CSMD3: variants seen among roughly 807,000 people sequenced by gnomAD.
CSMD3 encodes the protein CUB and Sushi multiple domains 3.
A neutral mutation model predicts 435.2 loss-of-function variants in CSMD3; 177 were observed. The observed-to-expected ratio is 0.41, with a 90% CI of 0.36 to 0.46. The LOEUF (loss-of-function observed/expected upper bound fraction) is 0.46. Ranked by LOEUF, CSMD3 falls within the 20% of genes least tolerant of loss-of-function variation. The probability of loss-of-function intolerance (pLI) is 0.34; values close to 1 mark genes in which losing one functional copy is unlikely to be tolerated. For synonymous variants in CSMD3, 1,656 were observed against 1,520.5 expected (o/e 1.09, Z -2.07); for missense variants, 4,265 against 4,504.6 (o/e 0.95, Z 1.52).
intron 28 of CSMD3, 83 bp downstream of exon 28, chr8:112,516,951 A>G (rs1823730101): frequency 9.5e-7 from 1 of 1,047,618 alleles, no homozygotes; most frequent in Non-Finnish European, 1.5e-6. Context: ...AATCTAGTCT[A>G]GAATATGGTT....
intron 3 of CSMD3, among the ~76,000 whole-genome samples, chr8:113,184,036 G>A (rs918333895): frequency 3.3e-5 from 5 of 152,030 alleles, no homozygotes; most frequent in Non-Finnish European, 5.9e-5. Context: ...AAAAGTCTGG[G>A]CCTCTGGAAC....
At chr8:112,405,209 ACCCCCATAT>A (rs1831690537) in intron 35 of CSMD3, among the ~76,000 whole-genome samples, 2 of 31,502 alleles carry the variant, frequency 6.3e-5, no homozygotes, top group African/African-American at 1.2e-4. Flanking sequence ...AAAAAAAAAA[ACCCCCATAT>A]ATATATATAT....
intron 16 of CSMD3, among the ~76,000 whole-genome samples, chr8:112,670,658 G>T (rs2075635169): frequency 1.3e-5 from 2 of 152,120 alleles, no homozygotes; most frequent in Admixed American, 1.3e-4. Flanking sequence ...ACTGGTCCTT[G>T]AGCCCTTGGC....
intron 67 of CSMD3, among the ~76,000 whole-genome samples, chr8:112,235,681 T>C (rs1299639204): frequency 6.6e-6 from 1 of 152,136 alleles, no homozygotes; most frequent in Non-Finnish European, 1.5e-5. Flanking sequence ...TCTAACTTAA[T>C]TGTTCACCTA....
At chr8:113,204,947 G>A (rs2092754701) in intron 3 of CSMD3, among the ~76,000 whole-genome samples, 1 of 151,810 alleles carries the variant, frequency 6.6e-6, no homozygotes, top group African/African-American at 2.4e-5. Context: ...TTACATGAAT[G>A]GCAGCAGGCA....
At chr8:112,946,278 TCTC>T (rs954888500) in intron 9 of CSMD3, among the ~76,000 whole-genome samples, 1 of 151,724 alleles carries the variant, frequency 6.6e-6, no homozygotes, top group Non-Finnish European at 1.5e-5. Context: ...CATGTGATCT[TCTC>T]CTCAACCGAA....
chr8:112,448,620 T>C lies in CSMD3; in HGVS notation c.5395+23971A>G, dbSNP rs144302104. On this transcript the variant is annotated intron_variant, in intron 32 of 70. Coordinates refer to ENST00000297405, the MANE Select transcript of CSMD3 (RefSeq NM_198123.2). Reference sequence around the variant, plus strand: ...GAGGGAGCATGGTCCAGATGATACATTGATTTTGAACTTTCAGCCTTCAAA... The same window carrying C: ...GAGGGAGCATGGTCCAGATGATACACTGATTTTGAACTTTCAGCCTTCAAA... 2.1e-3 allele frequency among the ~76,000 whole-genome samples: 315 copies of C among 152,262 alleles called. 1 individual carries two copies. The highest frequency in any genetic ancestry group is 6.1e-3 in the African/African-American group (252 of 41,558).
intron 13 of CSMD3, among the ~76,000 whole-genome samples, chr8:112,712,216 G>T (rs1320443789): frequency 4.6e-5 from 7 of 152,074 alleles, no homozygotes; most frequent in African/African-American, 1.7e-4. Context: ...TGAAGAGCAG[G>T]ATCCTCAAGG....
intron 23 of CSMD3, among the ~76,000 whole-genome samples, chr8:112,577,946 A>G (rs528878933): frequency 6.6e-6 from 1 of 152,250 alleles, no homozygotes; most frequent in South Asian, 2.1e-4. Context: ...AAATGTGAAG[A>G]CAGAAATTAC....
chr8:112,383,750 G>C, intron 36 of CSMD3, 87 bp from the exon 37 acceptor site: 1 of 862,808 alleles, frequency 1.2e-6, no homozygotes, highest in Non-Finnish European at 2.0e-6. Flanking sequence ...GGAAAAGAGA[G>C]TTCAAATCCT....
At chr8:112,607,536 T>G (rs2131449111) in intron 22 of CSMD3, among the ~76,000 whole-genome samples, 1 of 152,042 alleles carries the variant, frequency 6.6e-6, no homozygotes, top group Non-Finnish European at 1.5e-5. Context: ...CCAAAAAAAT[T>G]TACAGGCTAA....
At position 112,552,636 on chromosome 8, in the gene CSMD3, C is replaced by T. The variant is rs756361881; in HGVS notation, c.4319G>A (p.Arg1440His). ...GYPFPYDNNLRCMWMIEVDPG... is the reference protein window; with the variant it reads ...GYPFPYDNNLHCMWMIEVDPG... ...ATCTACCTCAATCATCCACATGCAA[C>T]GCAGGTTATTGTCATATGGAAAAGG... Residue 1440 changes from arginine (R) to histidine (H), a missense_variant, in exon 26 of 71, where the codon CGT becomes CAT. Around this residue, in one of 3 missense-constraint regions of CSMD3, gnomAD observed 3,255 missense variants for 3,380.2 expected, o/e 0.96. Transcript: ENST00000297405. 9.4e-5 allele frequency: 151 copies of T among 1,611,966 alleles called. No homozygotes were observed. Among genetic ancestry groups the T allele is most frequent in the Non-Finnish European group, 1.2e-4 (143 of 1,178,740 alleles).
intron 3 of CSMD3, among the ~76,000 whole-genome samples, chr8:113,250,443 G>T (rs915623462): frequency 6.6e-6 from 1 of 152,038 alleles, no homozygotes; most frequent in Non-Finnish European, 1.5e-5. Flanking sequence ...CAGACCTTGT[G>T]GGCGGTTCTA....
chr8:112,596,125 C>G (rs1831690294), intron 22 of CSMD3, among the ~76,000 whole-genome samples: 1 of 151,418 alleles, frequency 6.6e-6, no homozygotes, highest in South Asian at 2.1e-4. Flanking sequence ...AAACCCATCT[C>G]ACGTGCAGAG....
chr8:112,731,124 A>G (rs1309516902), intron 13 of CSMD3, among the ~76,000 whole-genome samples: 1 of 152,100 alleles, frequency 6.6e-6, no homozygotes, highest in African/African-American at 2.4e-5. Flanking sequence ...TTTGTGACAT[A>G]TGAAGTACAC....
intron 38 of CSMD3, among the ~76,000 whole-genome samples, chr8:112,357,976 T>A (rs1293020958): frequency 6.6e-6 from 1 of 152,058 alleles, no homozygotes; most frequent in African/African-American, 2.4e-5. Context: ...ACAGCTTGAA[T>A]CATGCACCTA....
chr8:113,355,722 TTATA>T (rs1299902928), intron 1 of CSMD3, among the ~76,000 whole-genome samples: 6 of 77,792 alleles, frequency 7.7e-5, no homozygotes, highest in Admixed American at 2.7e-4. Context: ...AGTTTTATTT[TTATA>T]TATATATATA....
intron 5 of CSMD3, among the ~76,000 whole-genome samples, chr8:113,071,041 G>A (rs2089091084): frequency 6.6e-6 from 1 of 151,848 alleles, no homozygotes; most frequent in South Asian, 2.1e-4. Flanking sequence ...TCTTATTGTG[G>A]TTTTGACTTG....
At chr8:112,266,947 T>C (rs542583034) in intron 59 of CSMD3, among the ~76,000 whole-genome samples, 22 of 152,348 alleles carry the variant, frequency 1.4e-4, no homozygotes, top group Admixed American at 1.4e-3. Context: ...TTTAGTCTGC[T>C]AAATCTTTTG....
Sources: gnomAD v4.1 joint callset for allele counts (sites outside exome capture counted in the v4.1 genomes callset) on GRCh38, gnomAD v4.1.1 for gene constraint, gnomAD v4.1.1 regional missense constraint, MANE v1.5 for transcripts, NCBI Gene and HGNC (gene_info 2026-07-23, HGNC 2026-07-21) for gene names.